The following TBC1D22B variants were observed in gnomAD, a reference collection of about 807,000 sequenced individuals.
The protein encoded by TBC1D22B is chromosome 6 open reading frame 197.
Under a neutral mutation model 69.1 loss-of-function variants are expected in TBC1D22B, and 32 were observed. The observed-to-expected ratio is 0.46, with a 90% CI of 0.35 to 0.62. The LOEUF (loss-of-function observed/expected upper bound fraction) is 0.62, where lower values mean the gene tolerates loss of function less well. Ranked by LOEUF, TBC1D22B falls within the 20% of genes least tolerant of loss-of-function variation. The pLI, the probability that TBC1D22B is intolerant of heterozygous loss-of-function variation, is 0.00. For synonymous variants in TBC1D22B, 206 were observed against 229.8 expected (o/e 0.90, Z 0.94); for missense variants, 462 against 630.9 (o/e 0.73, Z 2.87).
At chr6:37,286,753 G>C (rs1767019214) in intron 6 of TBC1D22B, among the ~76,000 whole-genome samples, 2 of 152,076 alleles carry the variant, frequency 1.3e-5, no homozygotes, top group South Asian at 2.1e-4. Context: ...AGATCAGCCT[G>C]GTCAACATGG....
intron 8 of TBC1D22B, among the ~76,000 whole-genome samples, chr6:37,299,557 G>A (rs1767499509): frequency 1.3e-5 from 2 of 152,198 alleles, no homozygotes; most frequent in Admixed American, 1.3e-4. Context: ...ATAGACATGG[G>A]CCTGCCCTTG....
intron 6 of TBC1D22B, 133 bp downstream of exon 6, chr6:37,284,597 C>G: frequency 9.8e-7 from 1 of 1,020,896 alleles, no homozygotes; most frequent in Non-Finnish European, 1.3e-6. Flanking sequence ...AATTTATCCT[C>G]AAAACTGTTT....
intron 6 of TBC1D22B, among the ~76,000 whole-genome samples, chr6:37,286,059 A>G (rs1377992367): frequency 6.6e-6 from 1 of 152,212 alleles, no homozygotes; most frequent in Non-Finnish European, 1.5e-5. Context: ...ATGGGTACCT[A>G]CTTGGATCAT....
intron 8 of TBC1D22B, among the ~76,000 whole-genome samples, chr6:37,292,569 T>C (rs1767222155): frequency 6.6e-6 from 1 of 152,196 alleles, no homozygotes; most frequent in Non-Finnish European, 1.5e-5. Flanking sequence ...TCAGCTGATC[T>C]GTTGTGATTT....
chr6:37,326,360 G>C (rs1484342482), intron 12 of TBC1D22B, among the ~76,000 whole-genome samples: 3 of 140,014 alleles, frequency 2.1e-5, no homozygotes, highest in Non-Finnish European at 4.6e-5. Flanking sequence ...CCTGGTGACA[G>C]AGTGAGACTG....
intron 3 of TBC1D22B, 88 bp downstream of exon 3, chr6:37,279,699 A>G (rs1766767039): frequency 5.2e-6 from 7 of 1,356,096 alleles, no homozygotes; most frequent in Non-Finnish European, 6.0e-6. Context: ...GGCCTCACTC[A>G]GGTAGATATT....
chr6:37,263,983 T>C (rs1348865493), intron 1 of TBC1D22B, among the ~76,000 whole-genome samples: 1 of 152,204 alleles, frequency 6.6e-6, no homozygotes, highest in Non-Finnish European at 1.5e-5. Flanking sequence ...TGTACTTTTC[T>C]TTGTGTTTGA....
intron 8 of TBC1D22B, among the ~76,000 whole-genome samples, chr6:37,295,397 C>T (rs1370332947): frequency 1.3e-5 from 2 of 152,232 alleles, no homozygotes; most frequent in South Asian, 4.1e-4. Flanking sequence ...TGAGCTACCA[C>T]ACCTGGCCAG....
intron 8 of TBC1D22B, among the ~76,000 whole-genome samples, chr6:37,296,179 T>C (rs1767360956): frequency 6.6e-6 from 1 of 152,200 alleles, no homozygotes; most frequent in Non-Finnish European, 1.5e-5. Flanking sequence ...GGAGAACTGC[T>C]TGAACCCAGG....
At chr6:37,288,683 A>C (rs1307973790) in intron 7 of TBC1D22B, among the ~76,000 whole-genome samples, 1 of 151,452 alleles carries the variant, frequency 6.6e-6, no homozygotes. Flanking sequence ...TCAAAGCTGC[A>C]ATGAGCCATG....
At chr6:37,315,338 C>G (rs916345813) in intron 10 of TBC1D22B, among the ~76,000 whole-genome samples, 1 of 152,094 alleles carries the variant, frequency 6.6e-6, no homozygotes, top group Non-Finnish European at 1.5e-5. Context: ...AGGAGGATCA[C>G]TTGAGCCCAG....
intron 2 of TBC1D22B, among the ~76,000 whole-genome samples, chr6:37,273,111 A>G (rs1315743960): frequency 1.4e-5 from 2 of 142,936 alleles, no homozygotes; most frequent in East Asian, 4.2e-4. Context: ...TGCCACTCAC[A>G]TTTCCTGCGT....
In TBC1D22B at chr6:37,282,168, T is replaced by G; in HGVS notation, c.422-17T>G. 1.2e-6 allele frequency: 2 copies of G among 1,614,042 alleles called. No homozygotes were observed. Among genetic ancestry groups the G allele is most frequent in the Non-Finnish European group, 1.7e-6 (2 of 1,179,894 alleles). ...TCCTCACACAGCCCGTTCTCTTTCT[T>G]TTTCAAATGATCTCAGGTGATACAT... On this transcript the variant is annotated splice_polypyrimidine_tract_variant and intron_variant, in intron 3 of 12. Transcript: ENST00000373491.
chr6:37,296,851 C>A (rs1036174395), intron 8 of TBC1D22B, among the ~76,000 whole-genome samples: 1 of 149,764 alleles, frequency 6.7e-6, no homozygotes, highest in Non-Finnish European at 1.5e-5. Flanking sequence ...TTTTTTGAGA[C>A]AGTCTCACTC....
In TBC1D22B at chr6:37,317,209, G is replaced by A. The variant is rs1357800895; in HGVS notation, c.1389+3G>A. 1 of 1,560,998 alleles carries A rather than the reference G, an allele frequency of 6.4e-7. No individual in the cohort carries two copies. The highest frequency in any genetic ancestry group is 1.4e-5 in the African/African-American group (1 of 73,870). ...TCTTGGATGAGGAGGATTTTCAGGT[G>A]AGTGGCCAAGAGCTTAGTGTGGGCA... On this transcript the variant is annotated splice_donor_region_variant and intron_variant, in intron 12 of 12. Transcript: ENST00000373491.
chr6:37,279,450 C>T lies in TBC1D22B; in HGVS notation c.260C>T (p.Thr87Ile). 5.6e-6 allele frequency: 9 copies of T among 1,614,196 alleles called. No homozygotes were observed. The highest frequency in any genetic ancestry group is 7.6e-6 in the Non-Finnish European group (9 of 1,180,034). The change falls in exon 3 of 13, where the codon ACT becomes ATT. Residue 87 changes from threonine (T) to isoleucine (I), a missense_variant. By Grantham distance (89) the Thr-to-Ile change is moderately conservative (BLOSUM62 -1). Around this residue, in one of 2 missense-constraint regions of TBC1D22B, gnomAD observed 237 missense variants for 255.4 expected, o/e 0.93. Coordinates refer to ENST00000373491, the MANE Select transcript of TBC1D22B (RefSeq NM_017772.4). ...GACTTTTCCTCACCTTCTTTCCAAA[C>T]TCTGAACTCAAAAGTTGCTTTGGCA... ...EEDFSSPSFQTLNSKVALATA... is the reference protein window; with the variant it reads ...EEDFSSPSFQILNSKVALATA...
chr6:37,320,863 G>A (rs895895736), intron 12 of TBC1D22B, among the ~76,000 whole-genome samples: 13 of 152,234 alleles, frequency 8.5e-5, no homozygotes, highest in Admixed American at 5.9e-4. Context: ...CTCCGGGCCC[G>A]TGGCAGCTTG....
Position 37,281,762 on chromosome 6 carries a change from GACTAA to G in TBC1D22B, c.422-414_422-410del, listed in dbSNP as rs1766837007. ...GAATGGGAAGGAAAACACTGCCTTA[GACTAA>G]ACTAAACTCACTATTTGGCACCAAG... On this transcript the variant is annotated intron_variant, in intron 3 of 12. Coordinates refer to ENST00000373491, the MANE Select transcript of TBC1D22B (RefSeq NM_017772.4). Among the ~76,000 whole-genome samples the G allele has an allele frequency of 2.0e-5, 3 of 152,186 alleles. No individual in the cohort carries two copies. The South Asian group carries it at 6.2e-4, about 32-fold the overall frequency.
At chr6:37,286,517 G>A (rs1324363619) in intron 6 of TBC1D22B, among the ~76,000 whole-genome samples, 8 of 151,706 alleles carry the variant, frequency 5.3e-5, no homozygotes, top group Admixed American at 4.6e-4. Flanking sequence ...GGGTTTCACC[G>A]TGTTAGCCAG....
Sources: gnomAD v4.1 joint callset for allele counts (sites outside exome capture counted in the v4.1 genomes callset) on GRCh38, gnomAD v4.1.1 for gene constraint, gnomAD v4.1.1 regional missense constraint, MANE v1.5 for transcripts, NCBI Gene and HGNC (gene_info 2026-07-23, HGNC 2026-07-21) for gene names.